Variants in ERGIC1 observed in about 807,000 individuals in gnomAD.
ERGIC1 encodes endoplasmic reticulum-Golgi intermediate compartment protein 1.
In ERGIC1, 19 loss-of-function variants were observed where a neutral mutation model predicts 38.3. The observed-to-expected ratio is 0.50, with a 90% CI of 0.35 to 0.73. The LOEUF is 0.73. Among genes scored for constraint, ERGIC1 ranks in the 30% least tolerant of loss-of-function variants. ERGIC1 has a pLI of 0.01. For missense variants in ERGIC1, 294 were observed against 389.2 expected, an observed-to-expected ratio of 0.76 and a Z score of 2.06; for synonymous variants, 124 against 157.6, an observed-to-expected ratio of 0.79 and a Z score of 1.60.
At chr5:172,944,319 G>A (rs1425845978) in intron 9 of ERGIC1, among the ~76,000 whole-genome samples, 10 of 152,036 alleles carry the variant, frequency 6.6e-5, no homozygotes, top group African/African-American at 2.4e-4. Context: ...GCCACTCTCA[G>A]TCAATGCCAC....
At chr5:172,944,516 G>A (rs766193812) in intron 9 of ERGIC1, among the ~76,000 whole-genome samples, 4 of 152,098 alleles carry the variant, frequency 2.6e-5, no homozygotes, top group African/African-American at 9.7e-5. Context: ...CTGCCACCAC[G>A]CTCAGCTAAT....
intron 3 of ERGIC1, among the ~76,000 whole-genome samples, chr5:172,909,125 TCTGAC>T (rs1561730308): frequency 1.4e-5 from 2 of 144,354 alleles, no homozygotes; most frequent in Admixed American, 7.0e-5. Flanking sequence ...CACCGTGCTA[TCTGAC>T]CCCACCCCTT....
At chr5:172,942,864 C>T (rs540364436) in intron 9 of ERGIC1, among the ~76,000 whole-genome samples, 214 of 152,246 alleles carry the variant, frequency 1.4e-3, no homozygotes, top group African/African-American at 4.7e-3. Context: ...ACTTTGCTGA[C>T]GGGGACCCCT....
At chr5:172,893,216 C>T (rs1259821889) in intron 2 of ERGIC1, among the ~76,000 whole-genome samples, 9 of 151,054 alleles carry the variant, frequency 6.0e-5, no homozygotes, top group Non-Finnish European at 1.3e-4. Context: ...GGTGTGATCT[C>T]GGCTCACTAC....
intron 5 of ERGIC1, 143 bp downstream of exon 5, chr5:172,914,981 G>C: frequency 6.0e-6 from 8 of 1,332,228 alleles, no homozygotes; most frequent in Non-Finnish European, 8.5e-6. Context: ...CCAGCTGCCT[G>C]GCCGTTCCTG....
chr5:172,884,244 GTTTTTTTT>G (rs71579704), intron 1 of ERGIC1, among the ~76,000 whole-genome samples: 5 of 90,620 alleles, frequency 5.5e-5, no homozygotes, highest in African/African-American at 2.1e-4. Flanking sequence ...GGAACCCCAA[GTTTTTTTT>G]TTTTTTTTTT....
At chr5:172,898,574 C>T (rs1031438050) in intron 3 of ERGIC1, 5 of 152,264 alleles carry the variant, frequency 3.3e-5, no homozygotes, top group Non-Finnish European at 7.3e-5. Flanking sequence ...GGACCTTTTA[C>T]AGTGGTGGGA....
At chr5:172,942,356 T>G (rs960083644) in intron 9 of ERGIC1, among the ~76,000 whole-genome samples, 1 of 152,056 alleles carries the variant, frequency 6.6e-6, no homozygotes, top group African/African-American at 2.4e-5. Context: ...CTCGGTTCTC[T>G]CCTCTCTGCC....
At chr5:172,877,458 A>ATTTTTTTT (rs56384349) in intron 1 of ERGIC1, among the ~76,000 whole-genome samples, 1 of 86,636 alleles carries the variant, frequency 1.2e-5, no homozygotes, top group African/African-American at 4.3e-5. Context: ...ATATATATAT[A>ATTTTTTTT]TTTTTTTTTT....
intron 2 of ERGIC1, among the ~76,000 whole-genome samples, chr5:172,893,912 T>TATATATATATATATACACAC (rs1762641304): frequency 2.7e-5 from 2 of 75,134 alleles, no homozygotes; most frequent in Admixed American, 2.9e-4. Context: ...TATATGTGTG[T>TATATATATATATATACACAC]GTGTGTGTGT....
At chr5:172,938,681 A>G (rs2113478365) in intron 9 of ERGIC1, among the ~76,000 whole-genome samples, 1 of 150,672 alleles carries the variant, frequency 6.6e-6, no homozygotes, top group East Asian at 2.0e-4. Context: ...GAAACCCAGA[A>G]GGCGGACGTT....
chr5:172,907,774 A>G (rs975427684), intron 3 of ERGIC1, among the ~76,000 whole-genome samples: 1 of 152,080 alleles, frequency 6.6e-6, no homozygotes, highest in East Asian at 1.9e-4. Context: ...AGTCCCTGTC[A>G]TGGCCCCCTG....
chr5:172,906,724 G>C (rs547713109), intron 3 of ERGIC1, among the ~76,000 whole-genome samples: 1 of 152,160 alleles, frequency 6.6e-6, no homozygotes, highest in Non-Finnish European at 1.5e-5. Context: ...ATAGCCTAGG[G>C]ACTGGACCCA....
intron 1 of ERGIC1, among the ~76,000 whole-genome samples, chr5:172,871,540 A>G (rs1212155780): frequency 6.6e-6 from 1 of 152,174 alleles, no homozygotes; most frequent in East Asian, 1.9e-4. Context: ...GAGTTCATTC[A>G]CTGTTGGTCT....
At chr5:172,859,354 G>C (rs1761638506) in intron 1 of ERGIC1, among the ~76,000 whole-genome samples, 1 of 152,142 alleles carries the variant, frequency 6.6e-6, no homozygotes, top group Non-Finnish European at 1.5e-5. Context: ...AGCTCCGTGT[G>C]AATGGGGCAT....
chr5:172,931,155 AT>A (rs1763767342), intron 7 of ERGIC1: 1 of 152,066 alleles, frequency 6.6e-6, no homozygotes, highest in Admixed American at 6.6e-5. Flanking sequence ...TTTCTGTGTT[AT>A]TTTAGCTCTG....
intron 2 of ERGIC1, 90 bp from the exon 3 acceptor site, chr5:172,896,912 C>A: frequency 8.1e-7 from 1 of 1,234,000 alleles, no homozygotes; most frequent in Non-Finnish European, 1.2e-6. Context: ...CACCCTTGTC[C>A]TGGGGCCTCT....
At chr5:172,909,800 C>T (rs1489243653) in intron 4 of ERGIC1, 39 bp downstream of exon 4, 1 of 1,550,208 alleles carries the variant, frequency 6.5e-7, no homozygotes, top group Non-Finnish European at 8.9e-7. Context: ...AGCAGGACAC[C>T]TCCTTAGGGC....
chr5:172,851,076 A>G (rs1405063117), intron 1 of ERGIC1, among the ~76,000 whole-genome samples: 2 of 151,076 alleles, frequency 1.3e-5, no homozygotes, highest in Non-Finnish European at 2.9e-5. Flanking sequence ...TGGCATGTGC[A>G]TGTAATCCCA....
Sources: gnomAD v4.1 joint callset for allele counts (sites outside exome capture counted in the v4.1 genomes callset) on GRCh38, gnomAD v4.1.1 for gene constraint, MANE v1.5 for transcripts, NCBI Gene and HGNC (gene_info 2026-07-23, HGNC 2026-07-21) for gene names.